Variants in MBD2 observed in about 807,000 individuals in gnomAD.
The protein encoded by MBD2 is methyl-CpG binding domain protein 2.
A neutral mutation model predicts 39.3 loss-of-function variants in MBD2; 9 were observed. The ratio of observed to expected loss-of-function variants is 0.23; its 90% CI spans 0.14 to 0.40. The LOEUF (loss-of-function observed/expected upper bound fraction) is 0.40, where lower values mean the gene tolerates loss of function less well. Among genes scored for constraint, MBD2 ranks in the 10% least tolerant of loss-of-function variants. The pLI is 1.00. For missense variants in MBD2, 458 were observed against 532.6 expected, an observed-to-expected ratio of 0.86 and a Z score of 1.38; for synonymous variants, 233 against 211.1, an observed-to-expected ratio of 1.10 and a Z score of -0.90.
At chr18:54,215,035 C>T (rs1221579008) in intron 1 of MBD2, among the ~76,000 whole-genome samples, 1 of 152,030 alleles carries the variant, frequency 6.6e-6, no homozygotes, top group East Asian at 1.9e-4. Flanking sequence ...CCACCGCGCC[C>T]GGCCTCCACA....
rs1326127093 is a variant in MBD2 at position 54,154,166 on chromosome 18, C to A, written c.*1158G>T. The A allele has an allele frequency of 1.6e-4, 24 of 152,182 alleles. No individual in the cohort carries two copies. The East Asian group carries it at 3.9e-3, about 24-fold the overall frequency. 9.4% of individuals were successfully genotyped at this position (152,182 alleles called of 1,614,324 possible). On this transcript the variant is annotated 3_prime_UTR_variant, in exon 7 of 7. Coordinates refer to ENST00000256429, the MANE Select transcript of MBD2 (RefSeq NM_003927.5). ...AAATTTGTTTTCATTTGCTTATAAC[C>A]ACTCCCTCCCTTCCTTGGTATCAGA...
Position 54,166,122 on chromosome 18 carries a change from T to TA in MBD2, c.884dup (p.Thr296AsnfsTer21). The TA allele has an allele frequency of 6.2e-7, 1 of 1,613,946 alleles. No homozygotes were observed. The highest frequency in any genetic ancestry group is 8.5e-7 in the Non-Finnish European group (1 of 1,179,832). On this transcript the variant is annotated frameshift_variant, in exon 4 of 7. Transcript: ENST00000256429. LOFTEE classifies it high-confidence loss of function. ...CCATGGTTTTTATAATTTGTTCTGT[T>TA]ACATCTGATGCACTAAGTCCTTGTA...
At chr18:54,171,533 T>A (rs2086179643) in intron 3 of MBD2, among the ~76,000 whole-genome samples, 1 of 152,212 alleles carries the variant, frequency 6.6e-6, no homozygotes, top group Non-Finnish European at 1.5e-5. Flanking sequence ...GACATTTGCC[T>A]TCCTATTATT....
chr18:54,201,586 G>A (rs2086407959), intron 2 of MBD2, among the ~76,000 whole-genome samples: 2 of 152,094 alleles, frequency 1.3e-5, no homozygotes, highest in Non-Finnish European at 2.9e-5. Context: ...TTTCTGGCCG[G>A]GCACGGTGGC....
chr18:54,211,483 C>G (rs888238466), intron 1 of MBD2, among the ~76,000 whole-genome samples: 2 of 151,970 alleles, frequency 1.3e-5, no homozygotes, highest in Non-Finnish European at 2.9e-5. Flanking sequence ...AACTCCTTTC[C>G]CCTTAATCTT....
intron 2 of MBD2, among the ~76,000 whole-genome samples, chr18:54,202,080 C>T (rs1384840045): frequency 2.6e-5 from 4 of 151,868 alleles, no homozygotes; most frequent in Admixed American, 6.6e-5. Flanking sequence ...TGGTGTCTCA[C>T]GCCTGTAATC....
rs1240263488 is a variant in MBD2 at position 54,224,162 on chromosome 18, C to T, written c.398G>A (p.Ser133Asn). ...GGGTCCCCTGGGCCCCGGCCCCGCG[C>T]TCCCCGACGGGAAAGGGACCGGCTC... The part of the protein sequence containing the change: ...RREPVPFPSG[S>N]AGPGPRGPRA... The change falls in exon 1 of 7, where the codon AGC (serine) becomes AAC (asparagine). Residue 133 changes from serine (S) to asparagine (N), a missense_variant. Ser to Asn is a conservative substitution (Grantham distance 46). Transcript: ENST00000256429. 3 of 1,432,306 alleles carry T rather than the reference C, an allele frequency of 2.1e-6. No individual in the cohort carries two copies. Among genetic ancestry groups the T allele is most frequent in the East Asian group, 2.9e-5 (1 of 34,688 alleles). The allele number at this position is 1,432,306 out of a possible 1,614,324, so 88.7% of individuals were successfully genotyped here.
At chr18:54,222,286 T>C (rs73483657) in intron 1 of MBD2, 406 of 474,524 alleles carry the variant, frequency 8.6e-4, no homozygotes, top group African/African-American at 7.4e-3. Flanking sequence ...TCAGAAGAAA[T>C]TGTCCCATTG....
chr18:54,169,764 G>C (rs1285706845), intron 3 of MBD2, among the ~76,000 whole-genome samples: 1 of 152,054 alleles, frequency 6.6e-6, no homozygotes, highest in East Asian at 1.9e-4. Flanking sequence ...CCTGGTGTGA[G>C]GCCAAATAAC....
At chr18:54,183,713 T>G (rs2086265750) in intron 3 of MBD2, among the ~76,000 whole-genome samples, 1 of 152,116 alleles carries the variant, frequency 6.6e-6, no homozygotes, top group South Asian at 2.1e-4. Flanking sequence ...GCCAAGAAGT[T>G]TGACTTTAAC....
intron 1 of MBD2, among the ~76,000 whole-genome samples, chr18:54,212,896 G>A (rs572511829): frequency 6.6e-6 from 1 of 151,836 alleles, no homozygotes; most frequent in South Asian, 2.1e-4. Context: ...GCCGAGCATG[G>A]TGGCACGTGC....
intron 6 of MBD2, among the ~76,000 whole-genome samples, chr18:54,155,710 CTTTAT>C (rs905351068): frequency 6.6e-6 from 1 of 152,138 alleles, no homozygotes; most frequent in African/African-American, 2.4e-5. Context: ...ACTCAAGATA[CTTTAT>C]TTTACTTCAC....
intron 3 of MBD2, among the ~76,000 whole-genome samples, chr18:54,181,270 C>G (rs1362755112): frequency 6.6e-6 from 1 of 152,198 alleles, no homozygotes. Context: ...CTGACCATAT[C>G]TCCAGACTCT....
At chr18:54,171,812 G>A (rs2086181378) in intron 3 of MBD2, among the ~76,000 whole-genome samples, 1 of 152,196 alleles carries the variant, frequency 6.6e-6, no homozygotes. Flanking sequence ...TTTTGGAGAA[G>A]ATATTACTCC....
chr18:54,183,909 T>C (rs1433834612), intron 3 of MBD2, among the ~76,000 whole-genome samples: 1 of 152,130 alleles, frequency 6.6e-6, no homozygotes, highest in Non-Finnish European at 1.5e-5. Context: ...GAAGTGTATC[T>C]GCAGAGTACA....
chr18:54,209,393 AG>A (rs1263465001), intron 1 of MBD2, among the ~76,000 whole-genome samples: 2 of 152,084 alleles, frequency 1.3e-5, no homozygotes, highest in Non-Finnish European at 2.9e-5. Context: ...GAAGGAAAAA[AG>A]GTAGAAGTTT....
At chr18:54,190,355 T>G (rs1049318666) in intron 2 of MBD2, among the ~76,000 whole-genome samples, 19 of 152,120 alleles carry the variant, frequency 1.2e-4, no homozygotes, top group Non-Finnish European at 1.0e-4. Context: ...TCCTCCCACA[T>G]CCCAGTGATA....
At position 54,158,368 on chromosome 18, in the gene MBD2, G is replaced by C. The variant is rs180972406; in HGVS notation, c.*12+1397C>G. Among the ~76,000 whole-genome samples the C allele has an allele frequency of 1.2e-3, 175 of 152,100 alleles. 2 individuals are homozygous for C. Among genetic ancestry groups the C allele is most frequent in the Non-Finnish European group, 4.7e-4 (32 of 68,002 alleles). On this transcript the variant is annotated intron_variant, in intron 6 of 6. Coordinates refer to ENST00000256429, the MANE Select transcript of MBD2 (RefSeq NM_003927.5). ...ACATAAATGTCACTTTCTCAGAGAG[G>C]CTCTGTTGACCCTTGACATCATATT...
chr18:54,221,408 A>G (rs2086611113), intron 1 of MBD2, among the ~76,000 whole-genome samples: 1 of 151,588 alleles, frequency 6.6e-6, no homozygotes, highest in South Asian at 2.1e-4. Flanking sequence ...TAGTGAGCCA[A>G]GATCACACCA....
Sources: gnomAD v4.1 joint callset for allele counts (sites outside exome capture counted in the v4.1 genomes callset) on GRCh38, gnomAD v4.1.1 for gene constraint, MANE v1.5 for transcripts, NCBI Gene and HGNC (gene_info 2026-07-23, HGNC 2026-07-21) for gene names.